The following ZNF385D variants were observed in gnomAD, a reference collection of about 807,000 sequenced individuals.
ZNF385D encodes zinc finger protein 659.
Under a neutral mutation model 35.8 loss-of-function variants are expected in ZNF385D, and 15 were observed. The observed-to-expected ratio is 0.42, with a 90% confidence interval of 0.28 to 0.64. ZNF385D has a LOEUF of 0.64. Among genes scored for constraint, ZNF385D ranks in the 30% least tolerant of loss-of-function variants. The probability of loss-of-function intolerance (pLI) is 0.23; values close to 1 mark genes in which losing one functional copy is unlikely to be tolerated. For missense variants in ZNF385D, 474 were observed against 494.6 expected, an observed-to-expected ratio of 0.96 and a Z score of 0.39; for synonymous variants, 212 against 186.8, an observed-to-expected ratio of 1.13 and a Z score of -1.10.
At chr3:21,566,120 A>AGTT (rs1271791844) in intron 2 of ZNF385D, among the ~76,000 whole-genome samples, 1 of 152,206 alleles carries the variant, frequency 6.6e-6, no homozygotes, top group East Asian at 1.9e-4. Flanking sequence ...AAATAGTAGC[A>AGTT]GTTAGCATTT....
chr3:22,321,208 C>G (rs1475104248), intron 2 of ZNF385D, among the ~76,000 whole-genome samples: 1 of 29,554 alleles, frequency 3.4e-5, no homozygotes, highest in East Asian at 9.0e-4. Flanking sequence ...TCTCTTTTAT[C>G]TCTTTTATTA....
intron 3 of ZNF385D, among the ~76,000 whole-genome samples, chr3:22,089,708 T>A (rs924407815): frequency 5.9e-5 from 9 of 152,206 alleles, no homozygotes; most frequent in African/African-American, 1.9e-4. Context: ...ACATTATTCT[T>A]TGAGCATGCT....
chr3:21,446,487 CTT>C lies in ZNF385D; in HGVS notation c.440-9286_440-9285del, dbSNP rs71044918. Among the ~76,000 whole-genome samples, 6 of 91,852 alleles carry C rather than the reference CTT, an allele frequency of 6.5e-5. No individual in the cohort carries two copies. In the East Asian group the frequency reaches 8.3e-4, roughly 13 times the overall value. 60.3% of individuals were successfully genotyped at this position (91,852 alleles called of 152,430 possible). A position where few individuals can be genotyped will look rare whatever the true frequency, so the allele number is the denominator to read the frequency against. On this transcript the variant is annotated intron_variant, in intron 4 of 7. Coordinates refer to ENST00000281523, the MANE Select transcript of ZNF385D (RefSeq NM_024697.3). ...TTTTAGATACTACCTAATCAATGAA[CTT>C]TTTTTTTTTTTTTTTTTTTTTTGAG...
At chr3:22,097,966 T>C (rs1423115626) in intron 3 of ZNF385D, among the ~76,000 whole-genome samples, 1 of 152,010 alleles carries the variant, frequency 6.6e-6, no homozygotes, top group Non-Finnish European at 1.5e-5. Flanking sequence ...ATCATACTAA[T>C]GTTAACCAAT....
intron 3 of ZNF385D, among the ~76,000 whole-genome samples, chr3:21,768,773 C>A (rs944633157): frequency 6.6e-6 from 1 of 151,976 alleles, no homozygotes; most frequent in South Asian, 2.1e-4. Flanking sequence ...AACCCACCGT[C>A]CCCCATTGAA....
intron 3 of ZNF385D, among the ~76,000 whole-genome samples, chr3:21,885,375 A>T (rs574140959): frequency 6.6e-6 from 1 of 152,166 alleles, no homozygotes; most frequent in Admixed American, 6.6e-5. Flanking sequence ...ATAATCAAAT[A>T]CTTACTTATA....
At chr3:21,472,480 C>A (rs536877670) in intron 4 of ZNF385D, among the ~76,000 whole-genome samples, 7 of 152,210 alleles carry the variant, frequency 4.6e-5, no homozygotes, top group Non-Finnish European at 1.0e-4. Flanking sequence ...ATCACTTATC[C>A]CTGAGCCCAT....
intron 2 of ZNF385D, among the ~76,000 whole-genome samples, chr3:22,287,372 T>C (rs1032122060): frequency 1.3e-5 from 2 of 152,034 alleles, no homozygotes; most frequent in Non-Finnish European, 2.9e-5. Context: ...AAAGTAATTA[T>C]TGATACAGGT....
chr3:22,269,868 C>T (rs150550313), intron 2 of ZNF385D, among the ~76,000 whole-genome samples: 2,086 of 151,914 alleles, frequency 0.014, 16 homozygotes, highest in Non-Finnish European at 0.023. Context: ...TATTGGCTTG[C>T]TTTACCTTGT....
chr3:21,640,442 T>C (rs1575378795), intron 2 of ZNF385D, among the ~76,000 whole-genome samples: 2 of 152,198 alleles, frequency 1.3e-5, no homozygotes, highest in Admixed American at 6.5e-5. Context: ...CAGATTCGTA[T>C]GATGAAGCCC....
At position 21,910,896 on chromosome 3, in the gene ZNF385D, G is replaced by T. The variant is rs761195230; in HGVS notation, c.326-245868C>A. 6.6e-5 allele frequency among the ~76,000 whole-genome samples: 10 copies of T among 151,870 alleles called. 2 individuals carry two copies. The highest frequency in any genetic ancestry group is 4.2e-4 in the South Asian group (2 of 4,816). ...AAATTTAGTTTTTGAATTTTATTAT[G>T]TTTGATAACTATTTTATATAGAATT... On this transcript the variant is annotated intron_variant, in intron 3 of 5. Transcript: ENST00000494108.
At chr3:21,907,808 A>G (rs796953477) in intron 3 of ZNF385D, among the ~76,000 whole-genome samples, 43 of 152,262 alleles carry the variant, frequency 2.8e-4, no homozygotes, top group African/African-American at 1.0e-3. Context: ...GATTGTTCAC[A>G]TCACTGCACC....
At chr3:21,974,260 A>T (rs1037007538) in intron 3 of ZNF385D, among the ~76,000 whole-genome samples, 1 of 152,132 alleles carries the variant, frequency 6.6e-6, no homozygotes, top group Non-Finnish European at 1.5e-5. Flanking sequence ...AGAACCCAGA[A>T]ATAAATCCAT....
intron 1 of ZNF385D, among the ~76,000 whole-genome samples, chr3:21,731,083 T>G (rs2068975298): frequency 6.6e-6 from 1 of 152,186 alleles, no homozygotes; most frequent in African/African-American, 2.4e-5. Flanking sequence ...GTAAAATATA[T>G]ATGCATATTT....
At chr3:21,738,326 TG>T (rs1424745930) in intron 1 of ZNF385D, among the ~76,000 whole-genome samples, 1 of 152,208 alleles carries the variant, frequency 6.6e-6, no homozygotes, top group African/African-American at 2.4e-5. Context: ...TGATCTGACT[TG>T]GCCACTGATT....
intron 4 of ZNF385D, among the ~76,000 whole-genome samples, chr3:21,487,011 G>A (rs1705079645): frequency 6.6e-6 from 1 of 152,096 alleles, no homozygotes; most frequent in Non-Finnish European, 1.5e-5. Context: ...ATTTACAAAT[G>A]TAATGCAGGG....
At chr3:22,364,075 C>T (rs1355492753) in intron 2 of ZNF385D, among the ~76,000 whole-genome samples, 2 of 152,044 alleles carry the variant, frequency 1.3e-5, no homozygotes, top group African/African-American at 4.8e-5. Context: ...ACATTCTAGT[C>T]TGTAATTATA....
At chr3:22,039,933 G>C (rs980392569) in intron 3 of ZNF385D, among the ~76,000 whole-genome samples, 1 of 152,128 alleles carries the variant, frequency 6.6e-6, no homozygotes, top group Non-Finnish European at 1.5e-5. Flanking sequence ...ACTTTGAATT[G>C]GATGTAGCCA....
intron 3 of ZNF385D, among the ~76,000 whole-genome samples, chr3:21,768,544 G>C (rs1305688999): frequency 6.6e-6 from 1 of 151,942 alleles, no homozygotes; most frequent in Non-Finnish European, 1.5e-5. Context: ...TTAGCTCTTA[G>C]AGTAGCAGCA....
Sources: gnomAD v4.1 joint callset for allele counts (sites outside exome capture counted in the v4.1 genomes callset) on GRCh38, gnomAD v4.1.1 for gene constraint, MANE v1.5 for transcripts, NCBI Gene and HGNC (gene_info 2026-07-23, HGNC 2026-07-21) for gene names.